OGDHL: variants seen among roughly 807,000 people sequenced by gnomAD.
OGDHL encodes the protein oxoglutarate dehydrogenase L.
A neutral mutation model predicts 109.6 loss-of-function variants in OGDHL; 79 were observed. The ratio of observed to expected loss-of-function variants is 0.72; its 90% CI spans 0.60 to 0.87. The LOEUF is 0.87. OGDHL is among the 40% of genes least tolerant of loss of function. OGDHL has a pLI of 0.00. For missense variants in OGDHL, 1,275 were observed against 1,362.2 expected, an observed-to-expected ratio of 0.94 and a Z score of 1.01; for synonymous variants, 528 against 537.2, an observed-to-expected ratio of 0.98 and a Z score of 0.24.
rs1841591940 is a variant in OGDHL, at chr10:49,740,791, A to T, written c.2059T>A (p.Cys687Ser). Residue 687 changes from cysteine (C) to serine (S), a missense_variant, in exon 16 of 23, where the codon TGT (cysteine) becomes AGT (serine). Physicochemically the swap from Cys to Ser is moderately radical, Grantham distance 112. Transcript: ENST00000374103. ...GGCCAGAGATGATTCATAGGCACAC[A>T]CGTCCTGCGGTCAACCTCCTGGTCA... is the stretch of plus-strand genomic sequence containing the variant. ...LHDQEVDRRT[C>S]VPMNHLWPDQ... 6.2e-7 allele frequency: 1 copy of T among 1,613,802 alleles called. No homozygotes were observed. The highest frequency in any genetic ancestry group is 1.3e-5 in the African/African-American group (1 of 74,912).
At chr10:49,758,224 G>A (rs1476964717) in intron 2 of OGDHL, among the ~76,000 whole-genome samples, 165 bp downstream of exon 2, 1 of 152,210 alleles carries the variant, frequency 6.6e-6, no homozygotes, top group Non-Finnish European at 1.5e-5. Flanking sequence ...GGCTGATTCA[G>A]CAAAGGGAAA....
At chr10:49,738,882 GC>G (rs1372397305) in intron 17 of OGDHL, 1 of 153,424 alleles carries the variant, frequency 6.5e-6, no homozygotes, top group African/African-American at 2.4e-5. Context: ...GGTGGGGACG[GC>G]CAAGGACCCA....
chr10:49,750,694 G>A, intron 7 of OGDHL, 145 bp downstream of exon 7: 1 of 1,152,084 alleles, frequency 8.7e-7, no homozygotes, highest in South Asian at 1.7e-5. Flanking sequence ...AGCAGGCCAG[G>A]CCCAGGACTC....
intron 1 of OGDHL, among the ~76,000 whole-genome samples, chr10:49,758,982 C>A (rs1006805436): frequency 1.3e-5 from 2 of 151,988 alleles, no homozygotes; most frequent in African/African-American, 4.8e-5. Flanking sequence ...GCAGGGAGTA[C>A]CACCAAGAAG....
rs771552999 is a variant in OGDHL, at chr10:49,735,201, C to T, written c.*27G>A. On this transcript the variant is annotated 3_prime_UTR_variant, in exon 23 of 23. Coordinates refer to ENST00000374103, the MANE Select transcript of OGDHL (RefSeq NM_018245.3). ...CCCTTGGTCCCCAGCAAACCCACAG[C>T]GAGACCTACACAGGTTTTGCCCAGC... 41 of 1,591,868 alleles carry T rather than the reference C, an allele frequency of 2.6e-5. No individual in the cohort carries two copies. Among genetic ancestry groups the T allele is most frequent in the South Asian group, 1.5e-4 (13 of 86,434 alleles).
chr10:49,747,338 T>C, intron 8 of OGDHL, 130 bp from the exon 9 acceptor site: 1 of 940,628 alleles, frequency 1.1e-6, no homozygotes, highest in Non-Finnish European at 1.6e-6. Flanking sequence ...AGGGCCAAGC[T>C]GTCTCTGACC....
At position 49,756,917 on chromosome 10, in the gene OGDHL, G is replaced by A. The variant is rs746131582; in HGVS notation, c.234C>T (p.Ser78=). The change falls in exon 3 of 23, where the codon AGC becomes AGT. Residue 78 remains serine (S), a synonymous_variant. Transcript: ENST00000374103. ...GAGCAGAGCCAGAAAAGGCTTCCTCGCTGGCTTCCCTGAAGAAGCTGTCCC... is the reference window on the plus strand; with the variant it reads ...GAGCAGAGCCAGAAAAGGCTTCCTCACTGGCTTCCCTGAAGAAGCTGTCCC... The part of the protein sequence containing the change: ...KSWDSFFREA[S]EEAFSGSAQP... The A allele has an allele frequency of 3.2e-5, 51 of 1,613,504 alleles. No homozygotes were observed. Among genetic ancestry groups the A allele is most frequent in the Admixed American group, 1.7e-4 (10 of 59,968 alleles).
In OGDHL at chr10:49,744,962, C is replaced by T. The variant is rs533137159; in HGVS notation, c.1630-210G>A. On this transcript the variant is annotated intron_variant, in intron 12 of 22. Coordinates refer to ENST00000374103, the MANE Select transcript of OGDHL (RefSeq NM_018245.3). The stretch of plus-strand genomic sequence containing the variant: ...CCCGAGGCTGGGCAGGCCTGCAGTG[C>T]GCTCAGCAAGGGGCTTGGAGAAGGC... Among the ~76,000 whole-genome samples the T allele has an allele frequency of 4.6e-5, 7 of 152,302 alleles. No homozygotes were observed. In the East Asian group the frequency reaches 9.7e-4, roughly 21 times the overall value.
At chr10:49,744,595 G>A (rs1842039124) in intron 13 of OGDHL, 55 bp downstream of exon 13, 4 of 1,397,530 alleles carry the variant, frequency 2.9e-6, no homozygotes, top group Admixed American at 1.7e-5. Flanking sequence ...CCTGATCCCA[G>A]TGCAAGACCT....
In OGDHL at chr10:49,745,687, A is replaced by T. The variant is rs530979768; in HGVS notation, c.1476+111T>A. ...TTGCTCTTGGTGGCATAAATCTCTC[A>T]TCCAAGAAGCACTCCCAGCCCTGAG... On this transcript the variant is annotated intron_variant, in intron 11 of 22. Coordinates refer to ENST00000374103, the MANE Select transcript of OGDHL (RefSeq NM_018245.3). 1,937 of 1,370,644 alleles carry T rather than the reference A, an allele frequency of 1.4e-3. 39 individuals are homozygous for T. In the South Asian group the frequency reaches 0.024, roughly 17 times the overall value. 84.9% of individuals were successfully genotyped at this position (1,370,644 alleles called of 1,614,324 possible).
intron 1 of OGDHL, 60 bp from the exon 2 acceptor site, chr10:49,758,653 A>T: frequency 6.5e-7 from 1 of 1,533,544 alleles, no homozygotes; most frequent in Non-Finnish European, 8.9e-7. Flanking sequence ...AAGAGGCTCT[A>T]CCAAGCCACT....
chr10:49,740,661 T>C, intron 16 of OGDHL, 49 bp downstream of exon 16: 1 of 1,587,918 alleles, frequency 6.3e-7, no homozygotes, highest in Non-Finnish European at 8.6e-7. Context: ...CCATCTCTTG[T>C]CCCCAGGTGT....
intron 20 of OGDHL, 48 bp downstream of exon 20, chr10:49,737,738 C>T (rs1419018091): frequency 1.3e-6 from 2 of 1,592,270 alleles, no homozygotes; most frequent in East Asian, 4.5e-5. Context: ...ACACAATGGG[C>T]CACCGCCCCA....
chr10:49,750,731 C>A (rs1842528821), intron 7 of OGDHL, 108 bp downstream of exon 7: 1 of 1,389,702 alleles, frequency 7.2e-7, no homozygotes, highest in African/African-American at 1.5e-5. Flanking sequence ...CCCACCTCTA[C>A]CCCCAGGTCC....
At chr10:49,749,951 A>G in intron 7 of OGDHL, 135 bp from the exon 8 acceptor site, 1 of 681,824 alleles carries the variant, frequency 1.5e-6, no homozygotes, top group Admixed American at 2.8e-5. Context: ...CCCAATCACC[A>G]GGCACCATCC....
At chr10:49,737,705 G>A in intron 20 of OGDHL, 81 bp downstream of exon 20, 1 of 1,485,912 alleles carries the variant, frequency 6.7e-7, no homozygotes, top group Non-Finnish European at 9.3e-7. Flanking sequence ...GGGGAGGTTG[G>A]AGAAGCCCCA....
rs1188795236 is a variant in OGDHL at position 49,751,864 on chromosome 10, T to G, written c.712A>C (p.Lys238Gln). ...ACTAGCCGGGCCAGCAGGGTCCGCT[T>G]CTCCTCGCTGGAGAACTGCATCACA... is the stretch of plus-strand genomic sequence containing the variant. ...PGVMQFSSEE[K>Q]RTLLARLVRS... Residue 238 changes from lysine (K) to glutamine (Q), a missense_variant, in exon 6 of 23, where the codon AAG becomes CAG. By Grantham distance (53) the Lys-to-Gln change is moderately conservative. Coordinates refer to ENST00000374103, the MANE Select transcript of OGDHL (RefSeq NM_018245.3). The G allele has an allele frequency of 6.2e-7, 1 of 1,614,034 alleles. No individual in the cohort carries two copies. The highest frequency in any genetic ancestry group is 1.7e-5 in the Admixed American group (1 of 60,008).
Position 49,756,765 on chromosome 10 carries a change from C to A in OGDHL, c.375+11G>T. The A allele has an allele frequency of 6.2e-7, 1 of 1,609,064 alleles. No homozygotes were observed. Among genetic ancestry groups the A allele is most frequent in the Non-Finnish European group, 8.5e-7 (1 of 1,177,262 alleles). On this transcript the variant is annotated intron_variant, in intron 3 of 22. Coordinates refer to ENST00000374103, the MANE Select transcript of OGDHL (RefSeq NM_018245.3). ...TGCAGCCTCCCAGGCTGTGCCTCAG[C>A]TGCCCCTCACCTGGTAGGCCCGGAT... is the stretch of plus-strand genomic sequence containing the variant.
chr10:49,751,211 A>T (rs1347620101), intron 6 of OGDHL, among the ~76,000 whole-genome samples: 5 of 152,006 alleles, frequency 3.3e-5, no homozygotes, highest in Admixed American at 6.6e-5. Flanking sequence ...AGCTGAACCA[A>T]ACGCCTCTGC....
Sources: gnomAD v4.1 joint callset for allele counts (sites outside exome capture counted in the v4.1 genomes callset) on GRCh38, gnomAD v4.1.1 for gene constraint, MANE v1.5 for transcripts, NCBI Gene and HGNC (gene_info 2026-07-23, HGNC 2026-07-21) for gene names.